Variants in MYO3A observed in about 807,000 individuals in gnomAD.
MYO3A encodes myosin IIIA, also known as myosin-IIIa.
MYO3A carries 180 observed loss-of-function variants against 192.7 expected under a neutral mutation model. The observed-to-expected ratio is 0.93, with a 90% CI of 0.83 to 1.06. The LOEUF (loss-of-function observed/expected upper bound fraction) is 1.06. Among genes scored for constraint, MYO3A ranks in the 50% least tolerant of loss-of-function variants. The pLI, the probability that MYO3A is intolerant of heterozygous loss-of-function variation, is 0.00. For synonymous variants in MYO3A, 628 were observed against 645.3 expected, an observed-to-expected ratio of 0.97 and a Z score of 0.41; for missense variants, 1,896 against 1,905.0, an observed-to-expected ratio of 1.00 and a Z score of 0.09.
intron 20 of MYO3A, among the ~76,000 whole-genome samples, chr10:26,140,417 C>T: frequency 6.6e-6 from 1 of 152,172 alleles, no homozygotes; most frequent in East Asian, 1.9e-4. Context: ...GGCACGGTGG[C>T]TCACGCCTGT....
intron 14 of MYO3A, among the ~76,000 whole-genome samples, chr10:26,076,969 G>A (rs910203651): frequency 6.6e-6 from 1 of 151,988 alleles, no homozygotes; most frequent in Non-Finnish European, 1.5e-5. Context: ...TCTTGCTTTG[G>A]CTATGTGGGC....
intron 4 of MYO3A, among the ~76,000 whole-genome samples, chr10:25,987,153 G>C (rs1839703852): frequency 6.6e-6 from 1 of 152,142 alleles, no homozygotes; most frequent in African/African-American, 2.4e-5. Flanking sequence ...TAATTGGCAA[G>C]CCACATATGG....
Position 26,153,922 on chromosome 10 carries a change from T to C in MYO3A, c.2708T>C (p.Leu903Pro), listed in dbSNP as rs1335114624. ...AGGACTTCAGAAAAATTAATCAACC[T>C]GGCAAAGGTAAGAAAATGCTTTTTT... ...QMRTSEKLIN[L>P]AKGDTGEATR... The change falls in exon 24 of 35, where the codon CTG (leucine) becomes CCG (proline). Residue 903 changes from leucine to proline, a missense_variant. Transcript: ENST00000642920. 1 of 1,589,052 alleles carries C rather than the reference T, an allele frequency of 6.3e-7. No individual in the cohort carries two copies. Among genetic ancestry groups the C allele is most frequent in the South Asian group, 1.1e-5 (1 of 90,556 alleles).
chr10:26,128,549 G>C lies in MYO3A; in HGVS notation c.2262+11G>C. On this transcript the variant is annotated intron_variant, in intron 20 of 34. Coordinates refer to ENST00000642920, the MANE Select transcript of MYO3A (RefSeq NM_017433.5). ...TTTGCATGGGAACAGGTAAGTCTAA[G>C]TACTTACTATAAATATGCATGCATG... is the stretch of plus-strand genomic sequence containing the variant. 1 of 1,601,270 alleles carries C rather than the reference G, an allele frequency of 6.2e-7. No homozygotes were observed. Among genetic ancestry groups the C allele is most frequent in the Non-Finnish European group, 8.5e-7 (1 of 1,170,370 alleles).
At chr10:26,188,584 T>A (rs1297007487) in intron 31 of MYO3A, among the ~76,000 whole-genome samples, 1 of 152,244 alleles carries the variant, frequency 6.6e-6, no homozygotes, top group Non-Finnish European at 1.5e-5. Context: ...GGAATGGTAT[T>A]GCCTAGGTTT....
chr10:26,072,993 A>AT (rs1459843882), intron 14 of MYO3A, among the ~76,000 whole-genome samples: 1 of 152,206 alleles, frequency 6.6e-6, no homozygotes, highest in Non-Finnish European at 1.5e-5. Context: ...TTACTCAGCA[A>AT]TAAAAAGGAA....
intron 10 of MYO3A, among the ~76,000 whole-genome samples, chr10:26,045,298 A>T (rs1843573761): frequency 6.6e-6 from 1 of 152,180 alleles, no homozygotes; most frequent in Non-Finnish European, 1.5e-5. Flanking sequence ...ATGTGATAAC[A>T]ATCAGCCTGC....
At chr10:26,168,673 G>A (rs776004755) in intron 27 of MYO3A, 39 bp from the exon 28 acceptor site, 2 of 1,582,420 alleles carry the variant, frequency 1.3e-6, no homozygotes, top group East Asian at 4.5e-5. Flanking sequence ...CTTCACATCT[G>A]TGTGCCATGG....
intron 10 of MYO3A, among the ~76,000 whole-genome samples, chr10:26,035,430 G>T (rs1430148939): frequency 6.6e-6 from 1 of 152,194 alleles, no homozygotes; most frequent in Non-Finnish European, 1.5e-5. Context: ...CAAAAAAGTT[G>T]TAAATAATTC....
At chr10:26,188,484 C>T (rs1249595245) in intron 31 of MYO3A, among the ~76,000 whole-genome samples, 1 of 152,138 alleles carries the variant, frequency 6.6e-6, no homozygotes, top group Non-Finnish European at 1.5e-5. Flanking sequence ...TGTGCAGAAG[C>T]TCTTTAGTTT....
At chr10:26,126,850 A>G (rs1222283415) in intron 19 of MYO3A, among the ~76,000 whole-genome samples, 1 of 152,214 alleles carries the variant, frequency 6.6e-6, no homozygotes, top group Non-Finnish European at 1.5e-5. Context: ...TCCATTCACT[A>G]ATGAAAACCA....
chr10:26,160,323 G>A (rs1841419489), intron 26 of MYO3A, among the ~76,000 whole-genome samples: 1 of 152,146 alleles, frequency 6.6e-6, no homozygotes, highest in East Asian at 1.9e-4. Flanking sequence ...CCAAGAGAAT[G>A]ATATACACAG....
intron 19 of MYO3A, among the ~76,000 whole-genome samples, chr10:26,126,485 C>T (rs1231596077): frequency 6.6e-6 from 1 of 152,084 alleles, no homozygotes; most frequent in Non-Finnish European, 1.5e-5. Flanking sequence ...CATTATTTCT[C>T]CATGTTCTTA....
At chr10:25,959,714 C>A (rs191170955) in intron 4 of MYO3A, among the ~76,000 whole-genome samples, 50 of 152,048 alleles carry the variant, frequency 3.3e-4, no homozygotes, top group African/African-American at 1.2e-3. Flanking sequence ...GTGCCTCTCC[C>A]AGATTACCCA....
chr10:26,033,384 C>T (rs1842889319), intron 10 of MYO3A, among the ~76,000 whole-genome samples: 1 of 152,080 alleles, frequency 6.6e-6, no homozygotes, highest in African/African-American at 2.4e-5. Flanking sequence ...CAGCTGTTCC[C>T]TTTCTTATTA....
chr10:26,081,132 T>TCCCCCCCCCCCCCCC (rs1564528977), intron 14 of MYO3A, among the ~76,000 whole-genome samples: 1 of 58,022 alleles, frequency 1.7e-5, no homozygotes, highest in Non-Finnish European at 4.1e-5. Context: ...TTATATGCCC[T>TCCCCCCCCCCCCCCC]TCCCCCCCCC....
At chr10:26,153,384 C>A (rs953309261) in intron 23 of MYO3A, among the ~76,000 whole-genome samples, 10 of 152,158 alleles carry the variant, frequency 6.6e-5, no homozygotes, top group African/African-American at 2.4e-4. Flanking sequence ...TAGAATGAAG[C>A]ACGTTTCTGA....
At chr10:26,029,991 G>A (rs1428004745) in intron 10 of MYO3A, among the ~76,000 whole-genome samples, 1 of 152,078 alleles carries the variant, frequency 6.6e-6, no homozygotes, top group Non-Finnish European at 1.5e-5. Flanking sequence ...AGATCCAGTT[G>A]CTGAGCCAGT....
At chr10:25,938,531 A>G (rs1028786649) in intron 2 of MYO3A, among the ~76,000 whole-genome samples, 2 of 152,096 alleles carry the variant, frequency 1.3e-5, no homozygotes, top group Non-Finnish European at 2.9e-5. Context: ...ACCAGCTGAA[A>G]CTCCAGTGTG....
Sources: gnomAD v4.1 joint callset for allele counts (sites outside exome capture counted in the v4.1 genomes callset) on GRCh38, gnomAD v4.1.1 for gene constraint, MANE v1.5 for transcripts, NCBI Gene and HGNC (gene_info 2026-07-23, HGNC 2026-07-21) for gene names.